RBFOX1: variants seen among roughly 807,000 people sequenced by gnomAD.
RBFOX1 encodes RNA binding protein fox-1 homolog 1.
In RBFOX1, 8 loss-of-function variants were observed where a neutral mutation model predicts 57.7. That is an observed-to-expected ratio of 0.14 (90% CI 0.08 to 0.25). The LOEUF (loss-of-function observed/expected upper bound fraction) is 0.25, where lower values mean the gene tolerates loss of function less well. RBFOX1 is among the 10% of genes least tolerant of loss of function. RBFOX1 has a pLI of 1.00. For synonymous variants in RBFOX1, 326 were observed against 222.4 expected (o/e 1.47, Z -4.15); for missense variants, 611 against 548.5 (o/e 1.11, Z -1.14).
At chr16:5,989,224 G>A (rs892337481) in intron 4 of RBFOX1, among the ~76,000 whole-genome samples, 4 of 151,864 alleles carry the variant, frequency 2.6e-5, no homozygotes, top group Non-Finnish European at 5.9e-5. Context: ...CCAGCTGCTC[G>A]GGAGGCTGAG....
At chr16:5,677,248 G>T (rs7197364) in intron 3 of RBFOX1, among the ~76,000 whole-genome samples, 10 of 152,074 alleles carry the variant, frequency 6.6e-5, no homozygotes, top group African/African-American at 2.4e-4. Flanking sequence ...TATCACTAGA[G>T]AATAGGTAGT....
intron 1 of RBFOX1, among the ~76,000 whole-genome samples, chr16:6,040,677 C>T (rs1330749318): frequency 6.6e-6 from 1 of 151,966 alleles, no homozygotes; most frequent in African/African-American, 2.4e-5. Context: ...TCATTGCAAA[C>T]TCTGCCTCCT....
chr16:5,946,047 C>G lies in RBFOX1; in HGVS notation c.351+78712C>G, dbSNP rs576961925. ...AGAGAAAAGAAGTCTGCTTTGTTTGCTAGTAAAGTGAGGGGGAGACAGGGT... is the reference window on the plus strand; with the variant it reads ...AGAGAAAAGAAGTCTGCTTTGTTTGGTAGTAAAGTGAGGGGGAGACAGGGT... On this transcript the variant is annotated intron_variant, in intron 4 of 19. Coordinates refer to the RBFOX1 transcript ENST00000641259. The surrounding 1 kb of genome is among the most constrained non-coding windows in gnomAD (Gnocchi z 4.6). 3.3e-5 allele frequency among the ~76,000 whole-genome samples: 5 copies of G among 152,324 alleles called. No individual in the cohort carries two copies. The South Asian group carries it at 1.0e-3, about 32-fold the overall frequency.
intron 2 of RBFOX1, among the ~76,000 whole-genome samples, chr16:6,319,052 G>A (rs1456621771): frequency 1.3e-5 from 2 of 152,004 alleles, no homozygotes; most frequent in Admixed American, 6.6e-5. Flanking sequence ...CATCTAAGCT[G>A]GCCACATGCC....
chr16:7,203,787 C>G (rs1026947850), intron 4 of RBFOX1, among the ~76,000 whole-genome samples: 2 of 152,302 alleles, frequency 1.3e-5, no homozygotes, highest in South Asian at 4.1e-4. Flanking sequence ...ACCCACCAAG[C>G]AAAGGCAATC....
intron 4 of RBFOX1, among the ~76,000 whole-genome samples, chr16:7,447,182 C>G (rs1567211380): frequency 6.6e-6 from 1 of 151,760 alleles, no homozygotes; most frequent in Non-Finnish European, 1.5e-5. Context: ...GAAAAACATT[C>G]ACACTTTGGG....
rs150720058 is a variant in RBFOX1, at chr16:6,286,832, T to G, written c.-126-30163T>G. On this transcript the variant is annotated intron_variant, in intron 1 of 15. Transcript: ENST00000550418. ...CTTGATAATCCTAAATAATATTATT[T>G]ATTTCTATTCCTTCTCTATCTCCCT... Among the ~76,000 whole-genome samples the G allele has an allele frequency of 4.6e-5, 7 of 152,304 alleles. No individual in the cohort carries two copies. In the East Asian group the frequency reaches 1.4e-3, roughly 29 times the overall value.
intron 2 of RBFOX1, among the ~76,000 whole-genome samples, chr16:6,513,606 C>T (rs147049027): frequency 9.2e-5 from 14 of 152,238 alleles, no homozygotes; most frequent in Middle Eastern, 3.4e-3. Context: ...GGGTGGCACA[C>T]GCCTGTAATG....
At chr16:6,822,508 C>G (rs557748404) in intron 3 of RBFOX1, among the ~76,000 whole-genome samples, 2 of 152,188 alleles carry the variant, frequency 1.3e-5, no homozygotes, top group Admixed American at 6.5e-5. Flanking sequence ...AGTTTCACAA[C>G]AGGAATGCAA....
chr16:6,735,653 G>C (rs7203920), intron 3 of RBFOX1, among the ~76,000 whole-genome samples: 3 of 152,162 alleles, frequency 2.0e-5, no homozygotes, highest in Admixed American at 6.5e-5. Context: ...CAAAATGTTT[G>C]GGTAACAATG....
intron 1 of RBFOX1, among the ~76,000 whole-genome samples, chr16:5,389,766 C>G (rs2066354282): frequency 6.6e-6 from 1 of 151,970 alleles, no homozygotes; most frequent in Non-Finnish European, 1.5e-5. Context: ...GGCATGATCT[C>G]AGCTCACTGC....
At chr16:7,220,441 G>A (rs535320734) in intron 4 of RBFOX1, among the ~76,000 whole-genome samples, 16 of 152,268 alleles carry the variant, frequency 1.1e-4, no homozygotes, top group African/African-American at 3.9e-4. Context: ...GTGTTCATAG[G>A]AACCTAAAGA....
intron 4 of RBFOX1, among the ~76,000 whole-genome samples, chr16:7,311,460 A>G (rs2096304644): frequency 7.0e-6 from 1 of 143,750 alleles, no homozygotes; most frequent in Non-Finnish European, 1.5e-5. Context: ...TAAAAGGTTT[A>G]GTCTTGATGA....
intron 2 of RBFOX1, among the ~76,000 whole-genome samples, chr16:5,476,825 G>A (rs1200958190): frequency 6.6e-6 from 1 of 152,106 alleles, no homozygotes; most frequent in Non-Finnish European, 1.5e-5. Context: ...TCCTCAAGAT[G>A]GCTAGAGTCT....
At chr16:6,063,502 CA>C (rs2095716187) in intron 1 of RBFOX1, among the ~76,000 whole-genome samples, 1 of 33,442 alleles carries the variant, frequency 3.0e-5, no homozygotes, top group East Asian at 6.6e-4. Context: ...CACACACACA[CA>C]CACCCCCTTA....
intron 1 of RBFOX1, among the ~76,000 whole-genome samples, chr16:5,403,371 A>AAAAAAC (rs2066771709): frequency 1.3e-5 from 2 of 151,606 alleles, no homozygotes; most frequent in African/African-American, 2.4e-5. Flanking sequence ...AAAAAAACAA[A>AAAAAAC]AAACAAACAA....
rs1435955739 is a variant in RBFOX1 at position 7,630,689 on chromosome 16, C to T, written c.757+6C>T. The T allele has an allele frequency of 6.2e-7, 1 of 1,614,134 alleles. No individual in the cohort carries two copies. The highest frequency in any genetic ancestry group is 8.5e-7 in the Non-Finnish European group (1 of 1,180,030). On this transcript the variant is annotated splice_donor_region_variant and intron_variant, in intron 11 of 15. Transcript: ENST00000550418. ...ACTTGTATATACTTCTGCAAGTAAGCCCACTGTCGTGGCTCTTTTTGTTTT... is the reference window on the plus strand; with the variant it reads ...ACTTGTATATACTTCTGCAAGTAAGTCCACTGTCGTGGCTCTTTTTGTTTT...
intron 15 of RBFOX1, 141 bp from the exon 16 acceptor site, chr16:7,710,482 C>G: frequency 1.3e-6 from 2 of 1,526,154 alleles, no homozygotes; most frequent in Admixed American, 2.3e-5. Context: ...TTTAGTTCTC[C>G]AAGAATGACC....
intron 3 of RBFOX1, among the ~76,000 whole-genome samples, chr16:6,966,206 C>G (rs892450905): frequency 6.6e-6 from 1 of 152,084 alleles, no homozygotes; most frequent in Non-Finnish European, 1.5e-5. Context: ...GCTGCCTTCC[C>G]CTCTCTGTCC....
Sources: allele counts gnomAD v4.1 joint callset (sites outside exome capture counted in the v4.1 genomes callset), GRCh38; gene constraint gnomAD v4.1.1; non-coding constraint Gnocchi (gnomAD v3.1); transcripts MANE v1.5; gene names NCBI Gene and HGNC (gene_info 2026-07-23, HGNC 2026-07-21).